The following CYSLTR2 variants were observed in gnomAD, a reference collection of about 807,000 sequenced individuals.
CYSLTR2 encodes G-protein coupled receptor GPCR21.
For missense variants in CYSLTR2, 398 were observed against 411.9 expected (o/e 0.97, Z 0.29); for synonymous variants, 179 against 160.8 (o/e 1.11, Z -0.86).
intron 1 of CYSLTR2, among the ~76,000 whole-genome samples, chr13:48,673,533 G>A (rs992207854): frequency 1.4e-5 from 2 of 145,496 alleles, no homozygotes; most frequent in African/African-American, 5.2e-5. Context: ...TATGGGACTG[G>A]TTTCCTGAAT....
Position 48,707,975 on chromosome 13 carries a change from T to C in CYSLTR2, c.*117T>C, listed in dbSNP as rs1206647340. On this transcript the variant is annotated 3_prime_UTR_variant, in exon 5 of 5. Coordinates refer to ENST00000682523, the MANE Select transcript of CYSLTR2 (RefSeq NM_001308476.3). ...ACAAATGTTGATTCTTAATATTTAGTTGACCATTACTTTTGTTAATAAGAC... is the reference window on the plus strand; with the variant it reads ...ACAAATGTTGATTCTTAATATTTAGCTGACCATTACTTTTGTTAATAAGAC... 15 of 894,574 alleles carry C rather than the reference T, an allele frequency of 1.7e-5. No individual in the cohort carries two copies. The highest frequency in any genetic ancestry group is 2.2e-5 in the Non-Finnish European group (14 of 629,872). 55.4% of individuals were successfully genotyped at this position (894,574 alleles called of 1,614,324 possible).
At chr13:48,678,023 C>G (rs1346171049) in intron 1 of CYSLTR2, among the ~76,000 whole-genome samples, 1 of 152,026 alleles carries the variant, frequency 6.6e-6, no homozygotes, top group Non-Finnish European at 1.5e-5. Flanking sequence ...AGGCAAGCAC[C>G]ACCACATTTC....
chr13:48,658,118 T>C (rs1213522259), intron 1 of CYSLTR2, among the ~76,000 whole-genome samples: 2 of 152,164 alleles, frequency 1.3e-5, no homozygotes, highest in African/African-American at 2.4e-5. Context: ...CAAATCCCTA[T>C]TGGGAACTTG....
At chr13:48,695,226 C>A (rs1467240015) in intron 3 of CYSLTR2, among the ~76,000 whole-genome samples, 6 of 151,758 alleles carry the variant, frequency 4.0e-5, no homozygotes, top group Non-Finnish European at 7.4e-5. Context: ...AGGCATGCGC[C>A]ACCACGCCCA....
At chr13:48,680,012 T>C (rs1953706870) in intron 1 of CYSLTR2, among the ~76,000 whole-genome samples, 1 of 152,196 alleles carries the variant, frequency 6.6e-6, no homozygotes, top group Admixed American at 6.5e-5. Flanking sequence ...TCAGGACTGC[T>C]CTACACAGAA....
At chr13:48,703,006 T>C (rs1288335969) in intron 4 of CYSLTR2, among the ~76,000 whole-genome samples, 3 of 152,166 alleles carry the variant, frequency 2.0e-5, no homozygotes, top group Non-Finnish European at 4.4e-5. Flanking sequence ...TGTACATGTC[T>C]TGTGAGATTT....
In CYSLTR2 at chr13:48,710,655, G is replaced by C. The variant is rs1954611340; in HGVS notation, c.*2797G>C. 1 of 152,188 alleles carries C rather than the reference G, an allele frequency of 6.6e-6. No individual in the cohort carries two copies. The highest frequency in any genetic ancestry group is 1.5e-5 in the Non-Finnish European group (1 of 68,032). The allele number at this position is 152,188 out of a possible 1,614,324, so 9.4% of individuals were successfully genotyped here. ...ATTGTGAAGAAGGCAAAAGAAATTT[G>C]TGCTAGTTTTGCTGTTGCACCACAA... On this transcript the variant is annotated 3_prime_UTR_variant, in exon 5 of 5. Coordinates refer to ENST00000682523, the MANE Select transcript of CYSLTR2 (RefSeq NM_001308476.3).
chr13:48,684,562 C>T (rs1457950319), intron 1 of CYSLTR2, among the ~76,000 whole-genome samples: 1 of 151,928 alleles, frequency 6.6e-6, no homozygotes, highest in Non-Finnish European at 1.5e-5. Context: ...AAAGCTGGAA[C>T]AATGAGGGAG....
At chr13:48,664,253 A>G (rs1286951755) in intron 1 of CYSLTR2, among the ~76,000 whole-genome samples, 1 of 151,948 alleles carries the variant, frequency 6.6e-6, no homozygotes, top group Non-Finnish European at 1.5e-5. Flanking sequence ...TTTTGCTTCT[A>G]TACGTATCAG....
chr13:48,676,332 ATTT>A (rs1390986882), intron 1 of CYSLTR2, among the ~76,000 whole-genome samples: 3 of 152,148 alleles, frequency 2.0e-5, no homozygotes, highest in African/African-American at 7.2e-5. Context: ...TGGTTGAGGA[ATTT>A]CCATTTGGTC....
At chr13:48,656,416 T>C (rs1007007724) in intron 1 of CYSLTR2, among the ~76,000 whole-genome samples, 31 of 152,348 alleles carry the variant, frequency 2.0e-4, no homozygotes, top group Middle Eastern at 3.4e-3. Context: ...CATTTTTTTT[T>C]CATCAATACT....
At chr13:48,696,408 C>T (rs1954188277) in intron 3 of CYSLTR2, 118 bp from the exon 4 acceptor site, 1 of 152,128 alleles carries the variant, frequency 6.6e-6, no homozygotes, top group African/African-American at 2.4e-5. Context: ...TTGACAAGCT[C>T]CAATTTATCA....
At chr13:48,654,251 T>TTG (rs372575519) in intron 1 of CYSLTR2, among the ~76,000 whole-genome samples, 4,385 of 129,232 alleles carry the variant, frequency 0.034, 153 homozygotes, top group East Asian at 0.069. Context: ...GATCGTCCCT[T>TTG]TGTGTGTGTG....
chr13:48,678,292 A>T (rs1404532699), intron 1 of CYSLTR2, among the ~76,000 whole-genome samples: 1 of 152,056 alleles, frequency 6.6e-6, no homozygotes, highest in Non-Finnish European at 1.5e-5. Flanking sequence ...TACAGGCATG[A>T]CCACCGGACT....
chr13:48,673,398 G>A (rs1009825451), intron 1 of CYSLTR2, among the ~76,000 whole-genome samples: 7 of 131,898 alleles, frequency 5.3e-5, no homozygotes, highest in African/African-American at 1.7e-4. Context: ...TTGGTTTAAA[G>A]TCTGTCTTAT....
intron 1 of CYSLTR2, among the ~76,000 whole-genome samples, chr13:48,689,204 G>C (rs1051604945): frequency 6.6e-6 from 1 of 152,124 alleles, no homozygotes; most frequent in African/African-American, 2.4e-5. Context: ...CATTCTGTAG[G>C]TTGCCTGTTC....
At chr13:48,703,113 T>C (rs1954392290) in intron 4 of CYSLTR2, among the ~76,000 whole-genome samples, 1 of 152,146 alleles carries the variant, frequency 6.6e-6, no homozygotes, top group Non-Finnish European at 1.5e-5. Context: ...TAAAATATAA[T>C]ATATTTTCTG....
intron 1 of CYSLTR2, among the ~76,000 whole-genome samples, chr13:48,689,532 T>C (rs1256200270): frequency 6.6e-6 from 1 of 152,326 alleles, no homozygotes; most frequent in East Asian, 1.9e-4. Context: ...ATTGCTTGTT[T>C]TTGTCAAGTT....
intron 1 of CYSLTR2, among the ~76,000 whole-genome samples, chr13:48,688,807 G>A (rs1318207019): frequency 1.3e-5 from 2 of 152,126 alleles, no homozygotes; most frequent in African/African-American, 2.4e-5. Flanking sequence ...GGTATTTCTG[G>A]TTCTAAATCC....
Sources: allele counts gnomAD v4.1 joint callset (sites outside exome capture counted in the v4.1 genomes callset), GRCh38; gene constraint gnomAD v4.1.1; transcripts MANE v1.5; gene names NCBI Gene and HGNC (gene_info 2026-07-23, HGNC 2026-07-21).